The following PATL2 variants were observed in gnomAD, a reference collection of about 807,000 sequenced individuals.
The protein encoded by PATL2 is protein PAT1 homolog 2.
PATL2 carries 73 observed loss-of-function variants against 77.0 expected under a neutral mutation model. The ratio of observed to expected loss-of-function variants is 0.95; its 90% CI spans 0.78 to 1.15. The LOEUF (loss-of-function observed/expected upper bound fraction) is 1.15, where lower values mean the gene tolerates loss of function less well. Among genes scored for constraint, PATL2 ranks in the 50% most tolerant of loss-of-function variants. The probability of loss-of-function intolerance (pLI) is 0.00; values close to 1 mark genes in which losing one functional copy is unlikely to be tolerated. For missense variants in PATL2, 618 were observed against 655.4 expected, an observed-to-expected ratio of 0.94 and a Z score of 0.62; for synonymous variants, 265 against 257.1, an observed-to-expected ratio of 1.03 and a Z score of -0.29.
Position 44,673,341 on chromosome 15 carries a change from T to G in PATL2, c.340A>C (p.Thr114Pro), listed in dbSNP as rs776676817. ...DYLSPIPFWP[T>P]FPSTSSPAQH... ...GCTGGAGAGCTGGTGCTGGGAAATGTAGGCCAGAAAGGGATGGGCGACAGG... is the reference window on the plus strand; with the variant it reads ...GCTGGAGAGCTGGTGCTGGGAAATGGAGGCCAGAAAGGGATGGGCGACAGG... Residue 114 changes from threonine (T) to proline (P), a missense_variant, in exon 7 of 18, where the codon ACA becomes CCA. By Grantham distance (38) the Thr-to-Pro change is conservative. Coordinates refer to ENST00000682850, the MANE Select transcript of PATL2 (RefSeq NM_001387263.1). 1.3e-6 allele frequency: 2 copies of G among 1,551,614 alleles called. No homozygotes were observed. The highest frequency in any genetic ancestry group is 2.4e-5 in the South Asian group (2 of 84,062).
intron 3 of PATL2, among the ~76,000 whole-genome samples, chr15:44,705,358 T>C (rs1394661699): frequency 6.6e-6 from 1 of 152,046 alleles, no homozygotes; most frequent in East Asian, 1.9e-4. Context: ...AATTTTTGTA[T>C]TTTAGTTGAG....
At chr15:44,683,976 A>G (rs1470613621) in intron 3 of PATL2, among the ~76,000 whole-genome samples, 1 of 152,112 alleles carries the variant, frequency 6.6e-6, no homozygotes, top group Non-Finnish European at 1.5e-5. Flanking sequence ...GACCTCCAGC[A>G]AACTCCAACA....
intron 7 of PATL2, 94 bp downstream of exon 7, chr15:44,673,141 T>G: frequency 7.1e-7 from 1 of 1,413,686 alleles, no homozygotes; most frequent in Non-Finnish European, 9.5e-7. Flanking sequence ...CTTACTAGTT[T>G]TCTGTGTTTC....
chr15:44,697,569 TC>T (rs1212447711), intron 3 of PATL2: 1 of 152,192 alleles, frequency 6.6e-6, no homozygotes, highest in Non-Finnish European at 1.5e-5. Flanking sequence ...TGTATCTAGT[TC>T]CCCTCACCTT....
In PATL2 at chr15:44,669,323, T is replaced by C; in HGVS notation, c.1021A>G (p.Lys341Glu). The C allele has an allele frequency of 6.4e-7, 1 of 1,551,622 alleles. No individual in the cohort carries two copies. Among genetic ancestry groups the C allele is most frequent in the Non-Finnish European group, 8.7e-7 (1 of 1,146,948 alleles). ...TGGGTCTTTAAGGTCTGGAAGAGCT[T>C]CTCAACCTGGTTGCTTTGCTGCTCA... is the stretch of plus-strand genomic sequence containing the variant. The part of the protein sequence containing the change: ...FSEQQSNQVE[K>E]LFQTLKTQEQ... Residue 341 changes from lysine (K) to glutamate (E), a missense_variant, in exon 13 of 18, where the codon AAG (lysine) becomes GAG (glutamate). Coordinates refer to ENST00000682850, the MANE Select transcript of PATL2 (RefSeq NM_001387263.1).
In PATL2 at chr15:44,672,427, T is replaced by C; in HGVS notation, c.476A>G (p.Gln159Arg). Residue 159 changes from glutamine to arginine, a missense_variant, in exon 8 of 18, where the codon CAA becomes CGA. Transcript: ENST00000682850. ...SHLTQLHPRH[Q>R]RILQQQQHSQ... ...ATGCTGCTGCTGCTGCAAGATTCGT[T>C]GGTGCCGAGGGTGGAGCTGGGTCAG... is the stretch of plus-strand genomic sequence containing the variant. 1 of 1,551,698 alleles carries C rather than the reference T, an allele frequency of 6.4e-7. No homozygotes were observed. Among genetic ancestry groups the C allele is most frequent in the South Asian group, 1.2e-5 (1 of 84,058 alleles).
chr15:44,703,770 C>G (rs891902063), intron 3 of PATL2, among the ~76,000 whole-genome samples: 2 of 107,986 alleles, frequency 1.9e-5, no homozygotes, highest in African/African-American at 6.9e-5. Flanking sequence ...TTCAGCCACT[C>G]TATGTCTTTT....
intron 9 of PATL2, among the ~76,000 whole-genome samples, chr15:44,670,654 A>G (rs1391400032): frequency 6.6e-6 from 1 of 152,180 alleles, no homozygotes; most frequent in African/African-American, 2.4e-5. Context: ...AGATACCACC[A>G]CCAAGTCTGA....
intron 3 of PATL2, among the ~76,000 whole-genome samples, chr15:44,687,975 A>G (rs1438243855): frequency 1.3e-5 from 2 of 151,976 alleles, no homozygotes; most frequent in Non-Finnish European, 2.9e-5. Context: ...GGCCAAAGTA[A>G]TTTATAGATT....
intron 3 of PATL2, among the ~76,000 whole-genome samples, chr15:44,687,852 A>G (rs2086296009): frequency 6.6e-6 from 1 of 152,222 alleles, no homozygotes; most frequent in Non-Finnish European, 1.5e-5. Context: ...AAGTCATGTG[A>G]AGGACCTCTT....
At chr15:44,668,776 T>A (rs1204575661) in intron 14 of PATL2, among the ~76,000 whole-genome samples, 2 of 152,244 alleles carry the variant, frequency 1.3e-5, no homozygotes, top group Non-Finnish European at 2.9e-5. Context: ...ATACACCTGT[T>A]GCTTTTTGTT....
chr15:44,666,667 G>A (rs1004740128), intron 16 of PATL2, 126 bp from the exon 17 acceptor site: 4 of 982,028 alleles, frequency 4.1e-6, no homozygotes, highest in African/African-American at 1.7e-5. Context: ...CAATTCAGAG[G>A]TAACATTTGC....
chr15:44,675,402 A>G (rs1236742211), intron 5 of PATL2, 84 bp downstream of exon 5: 7 of 1,418,418 alleles, frequency 4.9e-6, no homozygotes, highest in Non-Finnish European at 6.6e-6. Context: ...AAAGGGTAGA[A>G]AAGAGAAGAG....
chr15:44,679,125 C>T (rs1434088263), intron 3 of PATL2, among the ~76,000 whole-genome samples: 6 of 152,112 alleles, frequency 3.9e-5, no homozygotes, highest in African/African-American at 1.2e-4. Context: ...TGCATTGGCA[C>T]GATCTCAACT....
At chr15:44,667,591 G>A (rs2085445780) in intron 15 of PATL2, among the ~76,000 whole-genome samples, 1 of 152,202 alleles carries the variant, frequency 6.6e-6, no homozygotes. Flanking sequence ...GATATTAGAA[G>A]AGAGCATCAA....
intron 3 of PATL2, among the ~76,000 whole-genome samples, chr15:44,677,342 G>T (rs1464567706): frequency 1.3e-5 from 2 of 152,052 alleles, no homozygotes; most frequent in Non-Finnish European, 2.9e-5. Flanking sequence ...GCCCTTCACC[G>T]GGTCATGTGA....
intron 9 of PATL2, 88 bp from the exon 10 acceptor site, chr15:44,670,175 CTTAAG>C (rs896984189): frequency 1.6e-4 from 232 of 1,470,474 alleles, no homozygotes; most frequent in Middle Eastern, 7.1e-4. Context: ...AGTGCAGCCT[CTTAAG>C]TTTAGTTTTT....
intron 3 of PATL2, among the ~76,000 whole-genome samples, chr15:44,695,843 C>G (rs1034230711): frequency 2.0e-5 from 3 of 152,142 alleles, no homozygotes; most frequent in Non-Finnish European, 4.4e-5. Context: ...TGATTCTTTA[C>G]CAAATAATTC....
At chr15:44,695,788 A>G (rs2086491460) in intron 3 of PATL2, among the ~76,000 whole-genome samples, 1 of 152,226 alleles carries the variant, frequency 6.6e-6, no homozygotes, top group Non-Finnish European at 1.5e-5. Flanking sequence ...GGATCTGTGG[A>G]CACATCTCTC....
Sources: gnomAD v4.1 joint callset for allele counts (sites outside exome capture counted in the v4.1 genomes callset) on GRCh38, gnomAD v4.1.1 for gene constraint, MANE v1.5 for transcripts, NCBI Gene and HGNC (gene_info 2026-07-23, HGNC 2026-07-21) for gene names.